ANO6: variants seen among roughly 807,000 people sequenced by gnomAD.
The protein encoded by ANO6 is anoctamin-6.
ANO6 carries 106 observed loss-of-function variants against 117.5 expected under a neutral mutation model. The observed-to-expected ratio is 0.90, with a 90% CI of 0.77 to 1.06. The LOEUF is 1.06. ANO6 is among the 50% of genes least tolerant of loss of function. The pLI, the probability that ANO6 is intolerant of heterozygous loss-of-function variation, is 0.00. For missense variants in ANO6, 955 were observed against 1,121.1 expected (o/e 0.85, Z 2.12); for synonymous variants, 367 against 385.1 (o/e 0.95, Z 0.55).
intron 1 of ANO6, among the ~76,000 whole-genome samples, chr12:45,289,946 T>A (rs1051251654): frequency 5.3e-5 from 8 of 152,124 alleles, no homozygotes; most frequent in Admixed American, 6.5e-5. Context: ...CTGAAAAAAA[T>A]TTTTTTGGTA....
chr12:45,270,643 A>G, intron 1 of ANO6: 1 of 450,820 alleles, frequency 2.2e-6, no homozygotes, highest in Non-Finnish European at 3.9e-6. Context: ...GTGGGGTTTC[A>G]GATAATATTT....
At chr12:45,339,670 C>A (rs1041785483) in intron 3 of ANO6, among the ~76,000 whole-genome samples, 5 of 152,028 alleles carry the variant, frequency 3.3e-5, no homozygotes, top group Non-Finnish European at 7.4e-5. Context: ...ATCACCAACA[C>A]GTGAATTTAA....
At position 45,387,975 on chromosome 12, in the gene ANO6, TC is replaced by T. The variant is rs1346932051; in HGVS notation, c.1166-182del. 2.4e-4 allele frequency among the ~76,000 whole-genome samples: 36 copies of T among 152,296 alleles called. 1 individual carries two copies. The highest frequency in any genetic ancestry group is 7.2e-4 in the African/African-American group (30 of 41,562). On this transcript the variant is annotated intron_variant, in intron 10 of 19. Coordinates refer to ENST00000320560, the MANE Select transcript of ANO6 (RefSeq NM_001025356.3). ...CCATGATTTTAAGTTTCCTGAGGCC[TC>T]CCCAGCCATGCAGAACTGTGAGTCA...
chr12:45,420,479 A>G (rs1274637223), intron 17 of ANO6, among the ~76,000 whole-genome samples: 2 of 152,078 alleles, frequency 1.3e-5, no homozygotes, highest in Non-Finnish European at 2.9e-5. Context: ...TTAGCCAGGC[A>G]TGGTGGAGTG....
chr12:45,398,272 A>G (rs773481278), intron 12 of ANO6, among the ~76,000 whole-genome samples: 1 of 152,150 alleles, frequency 6.6e-6, no homozygotes, highest in Non-Finnish European at 1.5e-5. Flanking sequence ...AAAAAATATG[A>G]TGACCAATAA....
chr12:45,267,773 A>G (rs577574225), intron 1 of ANO6, among the ~76,000 whole-genome samples: 3 of 152,306 alleles, frequency 2.0e-5, no homozygotes, highest in African/African-American at 7.2e-5. Flanking sequence ...TCTGGGCAAC[A>G]GAGCAAGACT....
intron 2 of ANO6, among the ~76,000 whole-genome samples, chr12:45,307,866 T>C (rs1939719637): frequency 6.6e-6 from 1 of 151,946 alleles, no homozygotes; most frequent in Non-Finnish European, 1.5e-5. Flanking sequence ...GACCACATTC[T>C]GATGATGGAG....
intron 10 of ANO6, among the ~76,000 whole-genome samples, chr12:45,379,728 C>A (rs555508020): frequency 6.6e-6 from 1 of 152,322 alleles, no homozygotes; most frequent in South Asian, 2.1e-4. Context: ...ACTAGAAAGA[C>A]AAGCCTCAAA....
intron 9 of ANO6, among the ~76,000 whole-genome samples, chr12:45,371,199 C>G (rs537333763): frequency 2.0e-5 from 3 of 152,336 alleles, no homozygotes; most frequent in South Asian, 2.1e-4. Context: ...GCACCTGGCT[C>G]GGAGGGTCCT....
intron 15 of ANO6, 77 bp from the exon 16 acceptor site, chr12:45,409,280 T>G: frequency 3.2e-6 from 5 of 1,565,690 alleles, no homozygotes; most frequent in Non-Finnish European, 4.4e-6. Context: ...TGTGCAGCTT[T>G]GAGATAGCAG....
chr12:45,357,703 G>A (rs1254141290), intron 8 of ANO6, among the ~76,000 whole-genome samples: 1 of 152,152 alleles, frequency 6.6e-6, no homozygotes, highest in African/African-American at 2.4e-5. Flanking sequence ...GACTGGAGGC[G>A]GGAGGATTGC....
At chr12:45,251,076 GAAAA>G (rs920161758) in intron 1 of ANO6, among the ~76,000 whole-genome samples, 1 of 151,318 alleles carries the variant, frequency 6.6e-6, no homozygotes, top group Non-Finnish European at 1.5e-5. Flanking sequence ...AAAAAAAAAG[GAAAA>G]AAAACCCACA....
intron 1 of ANO6, among the ~76,000 whole-genome samples, chr12:45,221,200 A>C (rs1947393465): frequency 6.6e-6 from 1 of 152,226 alleles, no homozygotes; most frequent in Non-Finnish European, 1.5e-5. Flanking sequence ...GTCATGTGGG[A>C]AGAACTCTTC....
chr12:45,282,346 C>A (rs187956964), intron 1 of ANO6, among the ~76,000 whole-genome samples: 1 of 152,214 alleles, frequency 6.6e-6, no homozygotes, highest in East Asian at 1.9e-4. Context: ...TGCCAGCAGA[C>A]AAAGAGGAGC....
intron 3 of ANO6, among the ~76,000 whole-genome samples, chr12:45,332,518 T>C (rs951946792): frequency 3.3e-5 from 5 of 152,078 alleles, no homozygotes; most frequent in Non-Finnish European, 7.4e-5. Flanking sequence ...CATGGTGGAA[T>C]AGAATGAGCC....
At chr12:45,225,989 A>T (rs1352063499) in intron 1 of ANO6, among the ~76,000 whole-genome samples, 2 of 152,226 alleles carry the variant, frequency 1.3e-5, no homozygotes, top group African/African-American at 4.8e-5. Flanking sequence ...TGATTGTCTT[A>T]TGACATTATT....
chr12:45,314,466 AT>A (rs1939950973), intron 2 of ANO6, among the ~76,000 whole-genome samples: 3 of 53,432 alleles, frequency 5.6e-5, no homozygotes, highest in Non-Finnish European at 9.1e-5. Context: ...TTATATATAT[AT>A]TATATATACA....
intron 16 of ANO6, among the ~76,000 whole-genome samples, chr12:45,416,294 C>T (rs1468655056): frequency 6.6e-6 from 1 of 151,700 alleles, no homozygotes; most frequent in Non-Finnish European, 1.5e-5. Context: ...TTGTCTTTAA[C>T]TTGTTAGATA....
chr12:45,401,758 G>A, intron 12 of ANO6, 37 bp from the exon 13 acceptor site: 1 of 1,527,128 alleles, frequency 6.5e-7, no homozygotes, highest in South Asian at 1.1e-5. Context: ...TGCAGTTATT[G>A]GTGAGTCTCA....
Sources: allele counts gnomAD v4.1 joint callset (sites outside exome capture counted in the v4.1 genomes callset), GRCh38; gene constraint gnomAD v4.1.1; transcripts MANE v1.5; gene names NCBI Gene and HGNC (gene_info 2026-07-23, HGNC 2026-07-21).